The following COL18A1 variants were observed in gnomAD, a reference collection of about 807,000 sequenced individuals.
COL18A1 encodes collagen alpha-1(XVIII) chain.
Under a neutral mutation model 168.0 loss-of-function variants are expected in COL18A1, and 133 were observed. The observed-to-expected ratio is 0.79, with a 90% CI of 0.69 to 0.91. The LOEUF (loss-of-function observed/expected upper bound fraction) is 0.91. Ranked by LOEUF, COL18A1 falls within the 40% of genes least tolerant of loss-of-function variation. The pLI, the probability that COL18A1 is intolerant of heterozygous loss-of-function variation, is 0.00. For synonymous variants in COL18A1, 949 were observed against 809.0 expected (o/e 1.17, Z -2.94); for missense variants, 2,126 against 1,925.4 (o/e 1.10, Z -1.95).
rs1291292621 is a variant in COL18A1 at position 45,505,846 on chromosome 21, C to G, written c.3096C>G (p.Leu1032=). ...GCATTTGGTCCCAGCAGGTGAGGCT[C>G]TGGGCTACACGCCAGGCCATGCTGG... The part of the protein sequence containing the change: ...GTMGASSGVR[L]WATRQAMLGQ... The change falls in exon 37 of 42, where the codon CTC becomes CTG. Residue 1032 remains leucine (L), a synonymous_variant. Coordinates refer to ENST00000651438, the MANE Select transcript of COL18A1 (RefSeq NM_001379500.1). 3 of 1,609,036 alleles carry G rather than the reference C, an allele frequency of 1.9e-6. No homozygotes were observed. The highest frequency in any genetic ancestry group is 1.7e-6 in the Non-Finnish European group (2 of 1,179,264).
Position 45,473,882 on chromosome 21 carries a change from T to A in COL18A1, c.652-13T>A. 6.3e-7 allele frequency: 1 copy of A among 1,589,534 alleles called. No homozygotes were observed. The highest frequency in any genetic ancestry group is 8.6e-7 in the Non-Finnish European group (1 of 1,168,096). ...CAGGACCGCTGGTGACCCCTTTCTC[T>A]GTCTGCATTTAGGGGGTGATCGCTG... On this transcript the variant is annotated splice_polypyrimidine_tract_variant and intron_variant, in intron 3 of 41. Coordinates refer to ENST00000651438, the MANE Select transcript of COL18A1 (RefSeq NM_001379500.1). This position sits in a 1 kb window ranked among gnomAD's most constrained non-coding sequence, Gnocchi z 4.0.
In COL18A1 at chr21:45,501,701, C is replaced by A. The variant is rs13049940; in HGVS notation, c.2684-2310C>A. On this transcript the variant is annotated intron_variant, in intron 32 of 41. Transcript: ENST00000651438. ...TGCAGAAGGACCCCCAGGGGCTCCA[C>A]AGCCGGTCACCTCCCTCTGCAGAAG... Among the ~76,000 whole-genome samples, 1,218 of 129,672 alleles carry A rather than the reference C, an allele frequency of 9.4e-3. 1 individual carries two copies. The highest frequency in any genetic ancestry group is 0.012 in the South Asian group (50 of 4,014). 85.1% of individuals were successfully genotyped at this position (129,672 alleles called of 152,430 possible).
intron 26 of COL18A1, 178 bp from the exon 27 acceptor site, chr21:45,494,367 T>A: frequency 1.3e-6 from 1 of 782,740 alleles, no homozygotes; most frequent in East Asian, 2.9e-5. Context: ...TCCCCAGGGC[T>A]GCCTGCGCCT....
At chr21:45,507,144 G>A (rs2037257648) in intron 37 of COL18A1, 1 of 193,160 alleles carries the variant, frequency 5.2e-6, no homozygotes, top group African/African-American at 3.6e-5. Context: ...GCACCCTCCT[G>A]TGGGCTGGGA....
At chr21:45,410,912 T>G (rs2033270534) in intron 2 of COL18A1, among the ~76,000 whole-genome samples, 1 of 152,254 alleles carries the variant, frequency 6.6e-6, no homozygotes, top group Non-Finnish European at 1.5e-5. Context: ...CTGATTCGGC[T>G]GCTCTGGAGG....
At chr21:45,433,542 G>A (rs2034022355) in intron 2 of COL18A1, among the ~76,000 whole-genome samples, 1 of 152,234 alleles carries the variant, frequency 6.6e-6, no homozygotes, top group South Asian at 2.1e-4. Context: ...CCCAGGGCCT[G>A]CAAGGAGGCT....
chr21:45,468,091 A>C, intron 2 of COL18A1, 151 bp from the exon 3 acceptor site: 1 of 787,160 alleles, frequency 1.3e-6, no homozygotes, highest in Non-Finnish European at 2.0e-6. Flanking sequence ...GGCTGAGCCC[A>C]GGGGATCAGG....
At chr21:45,438,143 CACTCAG>C (rs2034247094) in intron 2 of COL18A1, among the ~76,000 whole-genome samples, 1 of 108,620 alleles carries the variant, frequency 9.2e-6, no homozygotes, top group Admixed American at 8.8e-5. Flanking sequence ...CACACACACT[CACTCAG>C]ACACAGGCAC....
intron 2 of COL18A1, among the ~76,000 whole-genome samples, chr21:45,442,378 C>G (rs1043915804): frequency 6.6e-6 from 1 of 152,244 alleles, no homozygotes; most frequent in African/African-American, 2.4e-5. Context: ...CCCTCACTCT[C>G]TGGCTGCACA....
At chr21:45,478,206 C>G (rs993749869) in intron 8 of COL18A1, 121 bp from the exon 9 acceptor site, 2 of 1,340,732 alleles carry the variant, frequency 1.5e-6, no homozygotes, top group South Asian at 2.4e-5. Flanking sequence ...GCGAGGACAT[C>G]GGGGGAAGGC....
At chr21:45,502,601 C>T (rs139688512) in intron 32 of COL18A1, 6 of 152,246 alleles carry the variant, frequency 3.9e-5, no homozygotes, top group East Asian at 1.9e-4. Context: ...TTTGCAAAGG[C>T]GAACAACATT....
chr21:45,442,269 T>C (rs1438782530), intron 2 of COL18A1, among the ~76,000 whole-genome samples: 5 of 152,220 alleles, frequency 3.3e-5, no homozygotes, highest in Non-Finnish European at 7.3e-5. Flanking sequence ...CCTTGCTTTT[T>C]CTCCTTTAAA....
rs753224278 is a variant in COL18A1, at chr21:45,512,230, C to G, written c.3852C>G (p.Arg1284=). 3.7e-6 allele frequency: 6 copies of G among 1,612,382 alleles called. No individual in the cohort carries two copies. The East Asian group carries it at 6.7e-5, about 18-fold the overall frequency. Residue 1284 remains arginine, a synonymous_variant, in exon 42 of 42, where the codon CGC becomes CGG. Transcript: ENST00000651438. The part of the protein sequence containing the change: ...SVWHGSDPNG[R]RLTESYCETW... ...GGCATGGCTCGGACCCCAACGGGCGCAGGCTGACCGAGAGCTACTGTGAGA... is the reference window on the plus strand; with the variant it reads ...GGCATGGCTCGGACCCCAACGGGCGGAGGCTGACCGAGAGCTACTGTGAGA...
intron 1 of COL18A1, 43 bp downstream of exon 1, chr21:45,405,284 G>A (rs2033033429): frequency 1.3e-6 from 1 of 795,512 alleles, no homozygotes; most frequent in East Asian, 3.7e-5. Flanking sequence ...ACGCCAAGAT[G>A]CGGCTGCGGG....
chr21:45,449,755 A>G (rs1015750276), intron 2 of COL18A1, among the ~76,000 whole-genome samples: 1 of 152,044 alleles, frequency 6.6e-6, no homozygotes, highest in Non-Finnish European at 1.5e-5. Context: ...CTGTGCGGCC[A>G]CCTCCAGCCA....
At chr21:45,505,617 C>G (rs1377008374) in intron 36 of COL18A1, among the ~76,000 whole-genome samples, 186 bp downstream of exon 36, 1 of 152,170 alleles carries the variant, frequency 6.6e-6, no homozygotes, top group Non-Finnish European at 1.5e-5. Flanking sequence ...AGGACGACCA[C>G]CAGCCGGGAA....
chr21:45,416,323 A>G (rs1273779248), intron 2 of COL18A1, among the ~76,000 whole-genome samples: 1 of 152,300 alleles, frequency 6.6e-6, no homozygotes, highest in East Asian at 1.9e-4. Context: ...CAGTCTTGCC[A>G]TGCCCAGTGT....
Position 45,480,248 on chromosome 21 carries a change from A to C in COL18A1, c.1398+92A>C. The C allele has an allele frequency of 2.7e-6, 3 of 1,129,012 alleles. No homozygotes were observed. In the South Asian group the frequency reaches 3.9e-5, roughly 15 times the overall value. The allele number at this position is 1,129,012 out of a possible 1,614,324, so 69.9% of individuals were successfully genotyped here. ...GCCCAGAAGTATCAGCTCCACCCTC[A>C]GGGGCTTGCGTGGGGTCTTGGCTGA... On this transcript the variant is annotated intron_variant, in intron 11 of 41. Transcript: ENST00000651438.
At chr21:45,477,206 T>C (rs1214680496) in intron 6 of COL18A1, among the ~76,000 whole-genome samples, 1 of 152,160 alleles carries the variant, frequency 6.6e-6, no homozygotes, top group Non-Finnish European at 1.5e-5. Context: ...CCGGCCTCAC[T>C]GTTGATTTTA....
Sources: gnomAD v4.1 joint callset for allele counts (sites outside exome capture counted in the v4.1 genomes callset) on GRCh38, gnomAD v4.1.1 for gene constraint, Gnocchi (gnomAD v3.1) non-coding constraint, MANE v1.5 for transcripts, NCBI Gene and HGNC (gene_info 2026-07-23, HGNC 2026-07-21) for gene names.